The following MACF1 variants were observed in gnomAD, a reference collection of about 807,000 sequenced individuals.
The protein encoded by MACF1 is microtubule-actin cross-linking factor 1.
A neutral mutation model predicts 854.8 loss-of-function variants in MACF1; 193 were observed. The observed-to-expected ratio is 0.23, with a 90% confidence interval of 0.20 to 0.25. The LOEUF (loss-of-function observed/expected upper bound fraction) is 0.25, where lower values mean the gene tolerates loss of function less well. MACF1 is among the 10% of genes least tolerant of loss of function. The pLI is 1.00. For missense variants in MACF1, 7,722 were observed against 8,929.1 expected (o/e 0.86, Z 5.45); for synonymous variants, 3,185 against 3,226.7 (o/e 0.99, Z 0.44).
At chr1:39,189,511 T>G (rs1644218812) in intron 2 of MACF1, among the ~76,000 whole-genome samples, 1 of 152,204 alleles carries the variant, frequency 6.6e-6, no homozygotes, top group South Asian at 2.1e-4. Flanking sequence ...CTGAGCCTCC[T>G]CAACCCCAAC....
At chr1:39,311,032 G>T in intron 26 of MACF1, 32 bp downstream of exon 26, 1 of 1,595,936 alleles carries the variant, frequency 6.3e-7, no homozygotes, top group South Asian at 1.1e-5. Flanking sequence ...GATGCTGGTT[G>T]TGGAGTGAAT....
At chr1:39,313,081 A>G (rs1224592728) in intron 26 of MACF1, among the ~76,000 whole-genome samples, 1 of 151,900 alleles carries the variant, frequency 6.6e-6, no homozygotes, top group Non-Finnish European at 1.5e-5. Context: ...CATTTTTTTT[A>G]TGAGTGCAGC....
intron 6 of MACF1, among the ~76,000 whole-genome samples, chr1:39,278,315 C>T (rs182650306): frequency 8.1e-4 from 124 of 152,290 alleles, no homozygotes; most frequent in Admixed American, 1.8e-3. Flanking sequence ...CCATTTTTCT[C>T]ATCCAGTTTC....
In MACF1 at chr1:39,357,759, G is replaced by A. The variant is rs1647713894; in HGVS notation, c.11809G>A (p.Val3937Met). The A allele has an allele frequency of 6.2e-7, 1 of 1,614,040 alleles. No individual in the cohort carries two copies. The highest frequency in any genetic ancestry group is 8.5e-7 in the Non-Finnish European group (1 of 1,180,040). ...VISHKGDLRFVTISGQKVLDM... is the reference protein window; with the variant it reads ...VISHKGDLRFMTISGQKVLDM... ...TTCCCACAAAGGAGACTTGAGATTT[G>A]TGACTATCTCAGGACAGAAAGTCTT... is the stretch of plus-strand genomic sequence containing the variant. The change falls in exon 45 of 101, where the codon GTG (valine) becomes ATG (methionine). Residue 3937 changes from valine (V) to methionine (M), a missense_variant. Around this residue, in one of 15 missense-constraint regions of MACF1, gnomAD observed 2,807 missense variants for 3,235.8 expected, o/e 0.87. Coordinates refer to ENST00000564288, the MANE Select transcript of MACF1 (RefSeq NM_001394062.1).
At position 39,084,176 on chromosome 1, in the gene MACF1, C is replaced by T. The variant is rs781127718; in HGVS notation, c.-43C>T. ...CCCCTTTCTCCTTCAGATCACTTCT[C>T]CCTGGGCTCCCAGGCCCTCCTGCAG... On this transcript the variant is annotated 5_prime_UTR_variant, in exon 2 of 94. Transcript: ENST00000361689. The surrounding 1 kb of genome is among the most constrained non-coding windows in gnomAD (Gnocchi z 5.2). 2.5e-6 allele frequency: 4 copies of T among 1,576,320 alleles called. No individual in the cohort carries two copies. Among genetic ancestry groups the T allele is most frequent in the African/African-American group, 1.3e-5 (1 of 74,330 alleles).
intron 2 of MACF1, among the ~76,000 whole-genome samples, chr1:39,249,400 A>G (rs1043450670): frequency 6.6e-6 from 1 of 152,196 alleles, no homozygotes; most frequent in African/African-American, 2.4e-5. Flanking sequence ...GATGTGAGAG[A>G]TAGATAACAT....
chr1:39,121,993 C>G (rs1252045538), intron 2 of MACF1, among the ~76,000 whole-genome samples: 1 of 152,056 alleles, frequency 6.6e-6, no homozygotes, highest in Non-Finnish European at 1.5e-5. Flanking sequence ...GATCAGACTA[C>G]TCTTGAAAAT....
intron 2 of MACF1, among the ~76,000 whole-genome samples, chr1:39,241,659 C>CAAAAAAAAAAAAAAAAAAA (rs35678466): frequency 1.9e-5 from 1 of 51,506 alleles, no homozygotes; most frequent in Non-Finnish European, 3.6e-5. Context: ...GACTCCATCT[C>CAAAAAAAAAAAAAAAAAAA]AAAAAAAAAA....
chr1:39,285,469 A>T, intron 13 of MACF1, 79 bp downstream of exon 13: 1 of 1,544,846 alleles, frequency 6.5e-7, no homozygotes, highest in Non-Finnish European at 8.9e-7. Context: ...TGTTGAAGTT[A>T]GCAATCGAGG....
chr1:39,407,046 A>G (rs890188525), intron 58 of MACF1, among the ~76,000 whole-genome samples: 16 of 152,220 alleles, frequency 1.1e-4, no homozygotes, highest in African/African-American at 3.6e-4. Context: ...CAGAGTTAGA[A>G]AGGACTTTAA....
At chr1:39,337,639 T>G (rs1453743762) in intron 38 of MACF1, among the ~76,000 whole-genome samples, 1 of 143,066 alleles carries the variant, frequency 7.0e-6, no homozygotes, top group East Asian at 2.2e-4. Context: ...TGATCTCGGC[T>G]CACTGCAACC....
intron 74 of MACF1, 50 bp from the exon 75 acceptor site, chr1:39,441,902 T>A: frequency 7.4e-7 from 1 of 1,356,840 alleles, no homozygotes; most frequent in Non-Finnish European, 1.1e-6. Context: ...GCTAATTCTC[T>A]CCCAAATTCT....
chr1:39,152,441 T>C (rs1314931466), intron 2 of MACF1, among the ~76,000 whole-genome samples: 2 of 152,222 alleles, frequency 1.3e-5, no homozygotes, highest in Non-Finnish European at 2.9e-5. Flanking sequence ...TAATTTTGTA[T>C]ATTTCAAGCA....
In MACF1 at chr1:39,387,167, A is replaced by G. The variant is rs368953464; in HGVS notation, c.14345-20A>G. On this transcript the variant is annotated intron_variant, in intron 57 of 100. Coordinates refer to ENST00000564288, the MANE Select transcript of MACF1 (RefSeq NM_001394062.1). ...CAGGGTTCAGGCTTTATTGATTTCA[A>G]TTTTATTTTCTCATTTCAGCCGATC... 9.3e-5 allele frequency: 149 copies of G among 1,605,136 alleles called. No individual in the cohort carries two copies. The highest frequency in any genetic ancestry group is 1.2e-4 in the Non-Finnish European group (146 of 1,175,862).
chr1:39,408,950 C>T (rs1472740075), intron 58 of MACF1, among the ~76,000 whole-genome samples: 1 of 151,250 alleles, frequency 6.6e-6, no homozygotes, highest in East Asian at 1.9e-4. Context: ...GGGCCCCGCC[C>T]CCGCCCTCGT....
intron 1 of MACF1, among the ~76,000 whole-genome samples, chr1:39,227,543 C>CA (rs1232645790): frequency 1.3e-5 from 2 of 152,170 alleles, no homozygotes; most frequent in African/African-American, 4.8e-5. Flanking sequence ...TTGGAGGACA[C>CA]AGAGACTGTT....
rs528824036 is a variant in MACF1 at position 39,334,231 on chromosome 1, A to T, written c.7643A>T (p.Asn2548Ile). ...AACTTAAACATCCATCAGATTTTTA[A>T]TCCTGAAACGAAGGAAAATATTTCC... is the stretch of plus-strand genomic sequence containing the variant. ...VENLNIHQIF[N>I]PETKENISLP... Residue 2548 changes from asparagine (N) to isoleucine (I), a missense_variant, in exon 37 of 101, where the codon AAT becomes ATT. Asn to Ile is a moderately radical substitution (Grantham distance 149, BLOSUM62 -3). Transcript: ENST00000564288. 9.3e-6 allele frequency: 15 copies of T among 1,614,154 alleles called. No individual in the cohort carries two copies. Among genetic ancestry groups the T allele is most frequent in the Non-Finnish European group, 1.2e-5 (14 of 1,180,004 alleles).
intron 2 of MACF1, among the ~76,000 whole-genome samples, chr1:39,096,618 C>T (rs575768561): frequency 2.0e-5 from 3 of 151,752 alleles, no homozygotes; most frequent in Admixed American, 6.6e-5. Flanking sequence ...AGAAAGTTCC[C>T]GTAATCACAT....
chr1:39,463,233 T>A (rs1324502322), intron 93 of MACF1, among the ~76,000 whole-genome samples: 1 of 152,166 alleles, frequency 6.6e-6, no homozygotes, highest in Non-Finnish European at 1.5e-5. Context: ...ACGCCTGTAA[T>A]CCCAGCACTT....
Sources: gnomAD v4.1 joint callset for allele counts (sites outside exome capture counted in the v4.1 genomes callset) on GRCh38, gnomAD v4.1.1 for gene constraint, gnomAD v4.1.1 regional missense constraint, Gnocchi (gnomAD v3.1) non-coding constraint, MANE v1.5 for transcripts, NCBI Gene and HGNC (gene_info 2026-07-23, HGNC 2026-07-21) for gene names.